The following PDE11A variants were observed in gnomAD, a reference collection of about 807,000 sequenced individuals.
PDE11A encodes the protein dual 3',5'-cyclic-AMP and -GMP phosphodiesterase 11A.
PDE11A carries 100 observed loss-of-function variants against 100.5 expected under a neutral mutation model. That is an observed-to-expected ratio of 1.00 (90% CI 0.85 to 1.18). The LOEUF is 1.18. Among genes scored for constraint, PDE11A ranks in the 50% most tolerant of loss-of-function variants. The probability of loss-of-function intolerance (pLI) is 0.00; values close to 1 mark genes in which losing one functional copy is unlikely to be tolerated. For missense variants in PDE11A, 1,141 were observed against 1,152.6 expected, an observed-to-expected ratio of 0.99 and a Z score of 0.15; for synonymous variants, 381 against 420.8, an observed-to-expected ratio of 0.91 and a Z score of 1.16.
chr2:177,629,093 T>A lies in PDE11A; in HGVS notation c.*314A>T, dbSNP rs988147075. 9 of 415,978 alleles carry A rather than the reference T, an allele frequency of 2.2e-5. No individual in the cohort carries two copies. Among genetic ancestry groups the A allele is most frequent in the Non-Finnish European group, 4.1e-5 (9 of 221,956 alleles). The allele number at this position is 415,978 out of a possible 1,614,324, so 25.8% of individuals were successfully genotyped here. A position where few individuals can be genotyped will look rare whatever the true frequency, so the allele number is the denominator to read the frequency against. On this transcript the variant is annotated 3_prime_UTR_variant, in exon 20 of 20. Coordinates refer to ENST00000286063, the MANE Select transcript of PDE11A (RefSeq NM_016953.4). ...TGTTCAGTGTTCCCTCAGCTCAGAG[T>A]AAGTAGGCCGACTGTCCACAGGTCC...
intron 5 of PDE11A, among the ~76,000 whole-genome samples, chr2:177,861,165 T>G (rs772734508): frequency 1.3e-5 from 2 of 151,794 alleles, no homozygotes; most frequent in Non-Finnish European, 3.0e-5. Flanking sequence ...TATTTGCAGG[T>G]GATAAAATCT....
intron 1 of PDE11A, among the ~76,000 whole-genome samples, chr2:178,052,907 G>A (rs1410726898): frequency 6.6e-6 from 1 of 152,058 alleles, no homozygotes; most frequent in African/African-American, 2.4e-5. Context: ...AGGACCAGAC[G>A]GATTCACAGC....
At chr2:177,847,720 A>G (rs2083624316) in intron 5 of PDE11A, among the ~76,000 whole-genome samples, 1 of 152,204 alleles carries the variant, frequency 6.6e-6, no homozygotes. Flanking sequence ...TTCATAGAAG[A>G]AGGGAAGAAT....
Position 177,694,195 on chromosome 2 carries a change from C to T in PDE11A, c.2345+3137G>A, listed in dbSNP as rs148506754. ...AACGAGTTGCAACCAACTTCGTTGACTGCATGCCAGTGGTCACTCAGTGAT... is the reference window on the plus strand; with the variant it reads ...AACGAGTTGCAACCAACTTCGTTGATTGCATGCCAGTGGTCACTCAGTGAT... On this transcript the variant is annotated intron_variant, in intron 15 of 19. Coordinates refer to ENST00000286063, the MANE Select transcript of PDE11A (RefSeq NM_016953.4). 1.2e-3 allele frequency among the ~76,000 whole-genome samples: 180 copies of T among 152,352 alleles called. 1 individual carries two copies. In the East Asian group the frequency reaches 0.028, roughly 24 times the overall value.
intron 2 of PDE11A, among the ~76,000 whole-genome samples, chr2:177,977,651 A>G (rs2085826849): frequency 9.1e-6 from 1 of 110,276 alleles, no homozygotes; most frequent in Non-Finnish European, 1.9e-5. Flanking sequence ...AGCCAAAAGA[A>G]CAAAGCTGGA....
chr2:177,760,498 GA>G (rs1358562286), intron 10 of PDE11A, among the ~76,000 whole-genome samples: 1 of 151,996 alleles, frequency 6.6e-6, no homozygotes, highest in Non-Finnish European at 1.5e-5. Context: ...TTGAGTATGC[GA>G]AAATCATAAA....
intron 16 of PDE11A, chr2:177,675,729 C>T (rs947978975): frequency 1.5e-6 from 1 of 686,388 alleles, no homozygotes; most frequent in Admixed American, 2.0e-5. Flanking sequence ...AGCTCTCACA[C>T]ATCCTCTGGT....
chr2:177,625,830 A>G lies in PDE11A; in HGVS notation c.*3577T>C, dbSNP rs2079824117. 1 of 152,646 alleles carries G rather than the reference A, an allele frequency of 6.6e-6. No individual in the cohort carries two copies. Among genetic ancestry groups the G allele is most frequent in the Admixed American group, 6.5e-5 (1 of 15,286 alleles). 9.5% of individuals were successfully genotyped at this position (152,646 alleles called of 1,614,324 possible). A position where few individuals can be genotyped will look rare whatever the true frequency, so the allele number is the denominator to read the frequency against. Reference sequence around the variant, plus strand: ...GGATTAAAAACGCCTGAAACCCGCAAGAGTTCAACCTCTAACCTCTGGGGT... The same window carrying G: ...GGATTAAAAACGCCTGAAACCCGCAGGAGTTCAACCTCTAACCTCTGGGGT... On this transcript the variant is annotated 3_prime_UTR_variant, in exon 20 of 20. Transcript: ENST00000286063.
chr2:178,068,347 A>T (rs2087077149), intron 1 of PDE11A, among the ~76,000 whole-genome samples: 1 of 152,120 alleles, frequency 6.6e-6, no homozygotes, highest in African/African-American at 2.4e-5. Context: ...TTGGGCTGTC[A>T]GAACTTCTAT....
intron 1 of PDE11A, among the ~76,000 whole-genome samples, chr2:178,060,651 C>T (rs534459149): frequency 1.3e-5 from 2 of 152,240 alleles, no homozygotes; most frequent in South Asian, 4.1e-4. Context: ...ATGCACTCCA[C>T]CATTTCCCTT....
At chr2:177,732,138 C>T (rs1015424205) in intron 10 of PDE11A, among the ~76,000 whole-genome samples, 1 of 152,166 alleles carries the variant, frequency 6.6e-6, no homozygotes, top group African/African-American at 2.4e-5. Flanking sequence ...CTGGCTGCAA[C>T]CATGTAGATC....
intron 6 of PDE11A, among the ~76,000 whole-genome samples, chr2:177,836,627 T>C (rs2083404518): frequency 6.6e-6 from 1 of 152,206 alleles, no homozygotes; most frequent in Admixed American, 6.5e-5. Context: ...TTTGTTCTTT[T>C]GCTCTTTGCA....
intron 3 of PDE11A, among the ~76,000 whole-genome samples, chr2:177,900,215 T>A (rs370925491): frequency 1.3e-5 from 2 of 152,190 alleles, no homozygotes; most frequent in African/African-American, 4.8e-5. Flanking sequence ...CAGAGAGCAA[T>A]CAGAAAATTA....
chr2:177,838,463 T>A (rs879923315), intron 6 of PDE11A, among the ~76,000 whole-genome samples: 1 of 152,234 alleles, frequency 6.6e-6, no homozygotes, highest in Non-Finnish European at 1.5e-5. Flanking sequence ...AAAGCTGTAA[T>A]ACTTTTTAGT....
chr2:177,799,374 T>TTA (rs1475788986), intron 9 of PDE11A, among the ~76,000 whole-genome samples: 1 of 152,172 alleles, frequency 6.6e-6, no homozygotes, highest in Non-Finnish European at 1.5e-5. Context: ...TACCATATCT[T>TTA]AATAGAGGAA....
Position 178,072,289 on chromosome 2 carries a change from CCT to C in PDE11A, c.147_148del (p.Gly50SerfsTer89). 1 of 1,613,930 alleles carries C rather than the reference CCT, an allele frequency of 6.2e-7. No homozygotes were observed. The highest frequency in any genetic ancestry group is 1.1e-5 in the South Asian group (1 of 91,038). Reference sequence around the variant, plus strand: ...GGTACCAGCCAAAGAGGGCCTTGGACCTAAAGCCCCCTGACCCTGACTGTGCC... The same window carrying C: ...GGTACCAGCCAAAGAGGGCCTTGGACAAAGCCCCCTGACCCTGACTGTGCC... On this transcript the variant is annotated frameshift_variant, in exon 1 of 20. Coordinates refer to ENST00000286063, the MANE Select transcript of PDE11A (RefSeq NM_016953.4). LOFTEE classifies it high-confidence loss of function.
intron 10 of PDE11A, among the ~76,000 whole-genome samples, chr2:177,733,875 G>A (rs1459405812): frequency 6.6e-6 from 1 of 152,196 alleles, no homozygotes; most frequent in Non-Finnish European, 1.5e-5. Flanking sequence ...CTTGGGAATA[G>A]TTTTAATTCC....
intron 2 of PDE11A, among the ~76,000 whole-genome samples, chr2:177,939,075 T>G (rs1175272906): frequency 6.6e-6 from 1 of 152,204 alleles, no homozygotes; most frequent in Non-Finnish European, 1.5e-5. Flanking sequence ...TTTAAGCCAT[T>G]TTAGTCTCTG....
intron 4 of PDE11A, among the ~76,000 whole-genome samples, chr2:177,882,738 T>A (rs572923133): frequency 2.0e-5 from 3 of 152,330 alleles, no homozygotes; most frequent in African/African-American, 7.2e-5. Context: ...CCCTGCTTGT[T>A]CTTTGGAAAA....
Sources: gnomAD v4.1 joint callset for allele counts (sites outside exome capture counted in the v4.1 genomes callset) on GRCh38, gnomAD v4.1.1 for gene constraint, MANE v1.5 for transcripts, NCBI Gene and HGNC (gene_info 2026-07-23, HGNC 2026-07-21) for gene names.